Variants in RBFOX1 observed in about 807,000 individuals in gnomAD.
RBFOX1 encodes RNA binding protein fox-1 homolog 1.
Under a neutral mutation model 57.7 loss-of-function variants are expected in RBFOX1, and 8 were observed. The ratio of observed to expected loss-of-function variants is 0.14; its 90% confidence interval spans 0.08 to 0.25. The LOEUF (loss-of-function observed/expected upper bound fraction) is 0.25. RBFOX1 is among the 10% of genes least tolerant of loss of function. RBFOX1 has a pLI of 1.00. For missense variants in RBFOX1, 611 were observed against 548.5 expected (o/e 1.11, Z -1.14); for synonymous variants, 326 against 222.4 (o/e 1.47, Z -4.15).
chr16:6,861,943 G>C (rs2059100219), intron 3 of RBFOX1, among the ~76,000 whole-genome samples: 1 of 146,426 alleles, frequency 6.8e-6, no homozygotes, highest in Non-Finnish European at 1.5e-5. Flanking sequence ...TCTGCAAACA[G>C]AACTGGTTTG....
At chr16:5,377,869 G>T (rs2066027167) in intron 1 of RBFOX1, among the ~76,000 whole-genome samples, 3 of 151,610 alleles carry the variant, frequency 2.0e-5, no homozygotes, top group African/African-American at 7.3e-5. Context: ...CACAATCACA[G>T]GGTCAACATG....
intron 3 of RBFOX1, among the ~76,000 whole-genome samples, chr16:6,701,508 A>G (rs1422014012): frequency 6.6e-6 from 1 of 152,240 alleles, no homozygotes; most frequent in Non-Finnish European, 1.5e-5. Flanking sequence ...CAAGCATGGC[A>G]CCAGCATTTG....
chr16:7,390,972 G>T (rs948233684), intron 4 of RBFOX1, among the ~76,000 whole-genome samples: 3 of 152,154 alleles, frequency 2.0e-5, no homozygotes, highest in African/African-American at 7.2e-5. Context: ...GCTTGGAACA[G>T]GGAGTTTCCT....
intron 3 of RBFOX1, among the ~76,000 whole-genome samples, chr16:5,842,632 G>C (rs2056653997): frequency 6.6e-6 from 1 of 152,120 alleles, no homozygotes; most frequent in African/African-American, 2.4e-5. Context: ...TTTAATAATA[G>C]AAAATAATGA....
intron 3 of RBFOX1, among the ~76,000 whole-genome samples, chr16:5,716,305 C>G (rs955794200): frequency 2.0e-5 from 3 of 152,160 alleles, no homozygotes; most frequent in Admixed American, 6.5e-5. Context: ...AGGTTTGTTA[C>G]ACAGATAAAC....
intron 4 of RBFOX1, among the ~76,000 whole-genome samples, chr16:7,480,667 C>T (rs1275708690): frequency 6.6e-6 from 1 of 152,172 alleles, no homozygotes; most frequent in Admixed American, 6.5e-5. Context: ...GTGCTGAGAG[C>T]TGTGTATGGA....
chr16:6,815,220 G>A (rs1046037406), intron 3 of RBFOX1, among the ~76,000 whole-genome samples: 3 of 152,166 alleles, frequency 2.0e-5, no homozygotes, highest in African/African-American at 7.2e-5. Flanking sequence ...AGTGAAGAGT[G>A]AGGATGACCA....
At chr16:5,859,970 C>G (rs1247177994) in intron 3 of RBFOX1, among the ~76,000 whole-genome samples, 1 of 152,128 alleles carries the variant, frequency 6.6e-6, no homozygotes, top group Non-Finnish European at 1.5e-5. Context: ...GGGACTGATC[C>G]CAAAGCACCT....
At chr16:5,954,197 C>G (rs1299036485) in intron 4 of RBFOX1, among the ~76,000 whole-genome samples, 1 of 152,272 alleles carries the variant, frequency 6.6e-6, no homozygotes, top group East Asian at 1.9e-4. Flanking sequence ...TTGAAGAATG[C>G]TTCATCACAT....
intron 13 of RBFOX1, among the ~76,000 whole-genome samples, chr16:7,675,056 G>T (rs888112694): frequency 6.6e-6 from 1 of 152,124 alleles, no homozygotes; most frequent in Non-Finnish European, 1.5e-5. Context: ...CTTTAAGCCT[G>T]TTGCAGCTAA....
intron 4 of RBFOX1, among the ~76,000 whole-genome samples, chr16:7,316,786 C>T (rs538907453): frequency 1.3e-5 from 2 of 152,056 alleles, no homozygotes; most frequent in South Asian, 2.1e-4. Flanking sequence ...CACACTAAGG[C>T]ATAGAGTGTG....
intron 3 of RBFOX1, among the ~76,000 whole-genome samples, chr16:7,040,187 T>A (rs1263243600): frequency 6.6e-6 from 1 of 151,410 alleles, no homozygotes; most frequent in Non-Finnish European, 1.5e-5. Context: ...TGCTAGCTAG[T>A]TTTCTGTATT....
intron 2 of RBFOX1, among the ~76,000 whole-genome samples, chr16:6,332,276 A>C (rs1005278311): frequency 6.6e-6 from 1 of 152,234 alleles, no homozygotes; most frequent in Non-Finnish European, 1.5e-5. Flanking sequence ...ATCAACCAGC[A>C]TTTACTGAGT....
chr16:5,795,458 G>A (rs150344655), intron 3 of RBFOX1, among the ~76,000 whole-genome samples: 97 of 152,092 alleles, frequency 6.4e-4, no homozygotes, highest in African/African-American at 2.1e-3. Flanking sequence ...ACCTACCACC[G>A]TGCGTGGCTA....
Position 6,353,879 on chromosome 16 carries a change from G to T in RBFOX1, c.-64+36822G>T, listed in dbSNP as rs1311989891. ...GTTCTTCCTGCTTTTCCTGCCTTCA[G>T]TGAAGAACTTGTTCATGTCTTCTTT... On this transcript the variant is annotated intron_variant, in intron 2 of 15. Transcript: ENST00000550418. 5.3e-5 allele frequency among the ~76,000 whole-genome samples: 8 copies of T among 152,256 alleles called. No homozygotes were observed. In the South Asian group the frequency reaches 1.5e-3, roughly 28 times the overall value.
intron 2 of RBFOX1, among the ~76,000 whole-genome samples, chr16:5,490,249 C>T (rs1006574140): frequency 2.6e-5 from 4 of 152,226 alleles, no homozygotes; most frequent in Non-Finnish European, 5.9e-5. Context: ...CAGTTACATC[C>T]CAAGGCAGAC....
chr16:5,811,335 G>A (rs767370441), intron 3 of RBFOX1, among the ~76,000 whole-genome samples: 85 of 151,330 alleles, frequency 5.6e-4, no homozygotes, highest in Non-Finnish European at 4.6e-4. Context: ...GGTTTCCCTG[G>A]TTTCCCTATG....
At chr16:5,433,094 C>T (rs1462933525) in intron 1 of RBFOX1, among the ~76,000 whole-genome samples, 1 of 152,156 alleles carries the variant, frequency 6.6e-6, no homozygotes, top group African/African-American at 2.4e-5. Flanking sequence ...AGAGAGAAGA[C>T]AACAACCCTG....
chr16:6,393,882 C>G (rs2092709766), intron 2 of RBFOX1, among the ~76,000 whole-genome samples: 1 of 152,126 alleles, frequency 6.6e-6, no homozygotes, highest in Admixed American at 6.5e-5. Flanking sequence ...CCAGCAAAAC[C>G]AGCCCTGTCC....
Sources: allele counts gnomAD v4.1 joint callset (sites outside exome capture counted in the v4.1 genomes callset), GRCh38; gene constraint gnomAD v4.1.1; transcripts MANE v1.5; gene names NCBI Gene and HGNC (gene_info 2026-07-23, HGNC 2026-07-21).